The following PTPRK variants were observed in gnomAD, a reference collection of about 807,000 sequenced individuals.
The protein encoded by PTPRK is receptor-type tyrosine-protein phosphatase kappa.
PTPRK carries 75 observed loss-of-function variants against 178.0 expected under a neutral mutation model. That is an observed-to-expected ratio of 0.42 (90% confidence interval 0.35 to 0.51). PTPRK has a LOEUF of 0.51. PTPRK is among the 20% of genes least tolerant of loss of function. The pLI, the probability that PTPRK is intolerant of heterozygous loss-of-function variation, is 0.02. For missense variants in PTPRK, 1,441 were observed against 1,797.8 expected, an observed-to-expected ratio of 0.80 and a Z score of 3.59; for synonymous variants, 637 against 620.6, an observed-to-expected ratio of 1.03 and a Z score of -0.39.
At chr6:128,445,902 G>T (rs960231079) in intron 1 of PTPRK, among the ~76,000 whole-genome samples, 2 of 152,114 alleles carry the variant, frequency 1.3e-5, no homozygotes, top group Non-Finnish European at 2.9e-5. Context: ...AACCTCGACA[G>T]GGTTGCTAGA....
At chr6:128,329,931 G>A (rs1179407242) in intron 2 of PTPRK, among the ~76,000 whole-genome samples, 2 of 152,174 alleles carry the variant, frequency 1.3e-5, no homozygotes, top group Admixed American at 6.5e-5. Context: ...TTATGTATGA[G>A]CGGAGGAGTA....
At chr6:128,129,474 T>C (rs1243012818) in intron 7 of PTPRK, among the ~76,000 whole-genome samples, 2 of 152,186 alleles carry the variant, frequency 1.3e-5, no homozygotes, top group Admixed American at 1.3e-4. Context: ...CTAAATTTCA[T>C]TGATATTCTC....
rs548868147 is a variant in PTPRK, at chr6:128,490,587, A to G, written c.100+29672T>C. Among the ~76,000 whole-genome samples the G allele has an allele frequency of 7.9e-5, 12 of 152,302 alleles. No individual in the cohort carries two copies. In the South Asian group the frequency reaches 1.2e-3, roughly 16 times the overall value. ...GATTAACAGCATTGATTCCACAATCACACTCCCCATGTGTAAATCCTAATT... is the reference window on the plus strand; with the variant it reads ...GATTAACAGCATTGATTCCACAATCGCACTCCCCATGTGTAAATCCTAATT... On this transcript the variant is annotated intron_variant, in intron 1 of 29. Coordinates refer to ENST00000368226, the MANE Select transcript of PTPRK (RefSeq NM_002844.4).
chr6:128,431,636 C>G (rs530235226), intron 1 of PTPRK, among the ~76,000 whole-genome samples: 3 of 152,306 alleles, frequency 2.0e-5, no homozygotes, highest in South Asian at 4.1e-4. Context: ...TCATGTTAAA[C>G]TATCAAAAAT....
At chr6:128,321,852 G>C in intron 3 of PTPRK, 187 bp downstream of exon 3, 1 of 783,468 alleles carries the variant, frequency 1.3e-6, no homozygotes. Context: ...GGAAGAAAGA[G>C]GGGCAATCTC....
At chr6:128,477,157 A>T (rs569086617) in intron 1 of PTPRK, among the ~76,000 whole-genome samples, 27 of 152,232 alleles carry the variant, frequency 1.8e-4, no homozygotes, top group African/African-American at 6.3e-4. Context: ...AAGCAAGCTA[A>T]TTTTATTTCA....
At chr6:128,165,433 A>G (rs1799262529) in intron 7 of PTPRK, among the ~76,000 whole-genome samples, 1 of 151,266 alleles carries the variant, frequency 6.6e-6, no homozygotes, top group Non-Finnish European at 1.5e-5. Flanking sequence ...GTTTTGGTTA[A>G]TTTATTTTTC....
chr6:128,001,785 A>C (rs1777862602), intron 15 of PTPRK, among the ~76,000 whole-genome samples: 1 of 152,012 alleles, frequency 6.6e-6, no homozygotes, highest in African/African-American at 2.4e-5. Context: ...GACTTTACAT[A>C]TGTGTAGAAA....
chr6:128,179,469 G>GT (rs1801586374), intron 7 of PTPRK, among the ~76,000 whole-genome samples: 1 of 151,664 alleles, frequency 6.6e-6, no homozygotes, highest in African/African-American at 2.4e-5. Context: ...CCTTTAGTTT[G>GT]TTTTTTATTT....
At chr6:128,482,022 T>C (rs1286157346) in intron 1 of PTPRK, among the ~76,000 whole-genome samples, 1 of 152,174 alleles carries the variant, frequency 6.6e-6, no homozygotes, top group African/African-American at 2.4e-5. Context: ...TAAGAACTAA[T>C]GAACGAATCC....
At chr6:128,248,557 G>A (rs1199901540) in intron 3 of PTPRK, among the ~76,000 whole-genome samples, 5 of 152,100 alleles carry the variant, frequency 3.3e-5, no homozygotes, top group African/African-American at 1.2e-4. Context: ...AGTATCTAAA[G>A]GAGAAGAGAT....
chr6:128,056,011 T>A (rs1462022399), intron 13 of PTPRK, among the ~76,000 whole-genome samples: 2 of 149,998 alleles, frequency 1.3e-5, no homozygotes, highest in Non-Finnish European at 3.0e-5. Context: ...TTTTTTTAAA[T>A]CTTGGAATTA....
chr6:128,259,449 TTTAATATGCACATGCACAC>T (rs1410169650), intron 3 of PTPRK, among the ~76,000 whole-genome samples: 1 of 152,156 alleles, frequency 6.6e-6, no homozygotes, highest in East Asian at 1.9e-4. Context: ...GAATATCAAG[TTTAATATGCACATGCACAC>T]ACACATATAT....
intron 3 of PTPRK, among the ~76,000 whole-genome samples, chr6:128,287,617 A>G (rs1182258388): frequency 3.3e-5 from 5 of 152,142 alleles, no homozygotes; most frequent in Non-Finnish European, 7.4e-5. Context: ...TTCAAACTTT[A>G]TCAAGACAAA....
chr6:128,404,381 C>A (rs1247986659), intron 1 of PTPRK, among the ~76,000 whole-genome samples: 1 of 152,226 alleles, frequency 6.6e-6, no homozygotes, highest in African/African-American at 2.4e-5. Flanking sequence ...CTAGCATATA[C>A]ATGCATACAT....
intron 1 of PTPRK, among the ~76,000 whole-genome samples, chr6:128,399,361 G>A (rs748237776): frequency 2.0e-5 from 3 of 152,186 alleles, no homozygotes; most frequent in Non-Finnish European, 2.9e-5. Flanking sequence ...TCCAAAAGGA[G>A]AATATGTTGA....
intron 7 of PTPRK, among the ~76,000 whole-genome samples, chr6:128,128,475 C>T (rs1018442046): frequency 2.0e-4 from 31 of 152,146 alleles, no homozygotes; most frequent in Non-Finnish European, 4.3e-4. Context: ...CGTCAATTCT[C>T]TTCCCTTGAT....
intron 7 of PTPRK, among the ~76,000 whole-genome samples, chr6:128,128,674 T>C (rs1793752701): frequency 1.3e-5 from 2 of 152,292 alleles, no homozygotes; most frequent in African/African-American, 4.8e-5. Flanking sequence ...CACAATAACA[T>C]GCCAGAAGAA....
At chr6:128,219,257 T>C (rs1809948756) in intron 5 of PTPRK, among the ~76,000 whole-genome samples, 161 bp from the exon 6 acceptor site, 1 of 143,874 alleles carries the variant, frequency 7.0e-6, no homozygotes, top group African/African-American at 2.4e-5. Flanking sequence ...AATACTGGTA[T>C]CCTCGAAAGC....
Sources: allele counts gnomAD v4.1 joint callset (sites outside exome capture counted in the v4.1 genomes callset), GRCh38; gene constraint gnomAD v4.1.1; transcripts MANE v1.5; gene names NCBI Gene and HGNC (gene_info 2026-07-23, HGNC 2026-07-21).